Variants in NPAT observed in about 807,000 individuals in gnomAD.
The protein encoded by NPAT is protein NPAT.
NPAT carries 52 observed loss-of-function variants against 130.7 expected under a neutral mutation model. The observed-to-expected ratio is 0.40, with a 90% CI of 0.32 to 0.50. The LOEUF (loss-of-function observed/expected upper bound fraction) is 0.50. Ranked by LOEUF, NPAT falls within the 20% of genes least tolerant of loss-of-function variation. The pLI is 0.68. For synonymous variants in NPAT, 580 were observed against 584.8 expected (o/e 0.99, Z 0.12); for missense variants, 1,687 against 1,662.6 (o/e 1.01, Z -0.26).
In NPAT at chr11:108,189,143, T is replaced by G; in HGVS notation, c.519A>C (p.Val173=). ...QISDPSRSYF[V]VVNHSQSQDT... is the part of the protein sequence containing the mutation. The stretch of plus-strand genomic sequence containing the variant: ...CTTGTGACTGTGAGTGGTTGACCAC[T>G]ACAAAATATGACCTCGATGGATCTG... The change falls in exon 6 of 18, where the codon GTA becomes GTC. Residue 173 remains valine, a synonymous_variant. Coordinates refer to ENST00000278612, the MANE Select transcript of NPAT (RefSeq NM_002519.3). 1 of 1,614,194 alleles carries G rather than the reference T, an allele frequency of 6.2e-7. No individual in the cohort carries two copies. The highest frequency in any genetic ancestry group is 8.5e-7 in the Non-Finnish European group (1 of 1,180,030).
At chr11:108,205,479 A>G (rs114276621) in intron 1 of NPAT, among the ~76,000 whole-genome samples, 1 of 152,042 alleles carries the variant, frequency 6.6e-6, no homozygotes, top group Admixed American at 6.6e-5. Context: ...TGTTGCCTAG[A>G]TAGGTCTTGA....
chr11:108,161,729 T>C lies in NPAT; in HGVS notation c.3357A>G (p.Lys1119=). 2 of 1,613,826 alleles carry C rather than the reference T, an allele frequency of 1.2e-6. No individual in the cohort carries two copies. Among genetic ancestry groups the C allele is most frequent in the Non-Finnish European group, 1.7e-6 (2 of 1,180,046 alleles). The change falls in exon 17 of 18, where the codon AAA becomes AAG. Residue 1119 remains lysine, a synonymous_variant. Transcript: ENST00000278612. ...AAATCTTAGGCAGAGGAGGCTTCTC[T>C]TTCTCTCTTTTGATAGCATTATTAG... ...PPSNNAIKRE[K]EKPPLPKILS...
rs375185249 is a variant in NPAT at position 108,177,109 on chromosome 11, G to T, written c.907-19C>A. On this transcript the variant is annotated intron_variant, in intron 10 of 17. Transcript: ENST00000278612. ...TTTCACTCTGCAAGAAAGGAGTGGC[G>T]TGAAGGCATGATTCTAACTGAATTT... 3 of 1,337,660 alleles carry T rather than the reference G, an allele frequency of 2.2e-6. No homozygotes were observed. Among genetic ancestry groups the T allele is most frequent in the Non-Finnish European group, 3.2e-6 (3 of 929,692 alleles). The allele number at this position is 1,337,660 out of a possible 1,614,324, so 82.9% of individuals were successfully genotyped here.
intron 2 of NPAT, among the ~76,000 whole-genome samples, chr11:108,195,004 A>G (rs2078206685): frequency 6.6e-6 from 1 of 151,928 alleles, no homozygotes; most frequent in South Asian, 2.1e-4. Flanking sequence ...TTGTATTTTT[A>G]GTAGAGATGG....
At chr11:108,166,332 C>A (rs1387817020) in intron 15 of NPAT, among the ~76,000 whole-genome samples, 3 of 152,080 alleles carry the variant, frequency 2.0e-5, no homozygotes, top group African/African-American at 7.2e-5. Context: ...GCGAAGGTAG[C>A]AGTGAGCTGA....
intron 1 of NPAT, among the ~76,000 whole-genome samples, chr11:108,213,666 A>C (rs2078405501): frequency 1.3e-5 from 2 of 152,202 alleles, no homozygotes; most frequent in Admixed American, 1.3e-4. Flanking sequence ...TAAAACTCCT[A>C]AGGTAATACA....
chr11:108,183,973 C>CA (rs61030752), intron 10 of NPAT, among the ~76,000 whole-genome samples: 142,281 of 147,648 alleles, frequency 0.96, 68,585 homozygotes, highest in Middle Eastern at 0.99. Context: ...GACCCTGTCT[C>CA]AAAAAAAAAA....
chr11:108,195,552 T>C (rs1397140161), intron 2 of NPAT, among the ~76,000 whole-genome samples: 1 of 152,232 alleles, frequency 6.6e-6, no homozygotes, highest in East Asian at 1.9e-4. Context: ...TGGTTTTTGT[T>C]GTTAAGTTTT....
chr11:108,215,059 C>T (rs897117426), intron 1 of NPAT, among the ~76,000 whole-genome samples: 1 of 152,192 alleles, frequency 6.6e-6, no homozygotes, highest in African/African-American at 2.4e-5. Context: ...CACAGATACA[C>T]ATTGATTATA....
At chr11:108,183,567 C>T (rs927728932) in intron 10 of NPAT, among the ~76,000 whole-genome samples, 1 of 152,032 alleles carries the variant, frequency 6.6e-6, no homozygotes, top group Admixed American at 6.6e-5. Context: ...TTTGGGAGGC[C>T]GAGTTAGGCA....
rs559864050 is a variant in NPAT, at chr11:108,158,169, A to G, written c.*773T>C. The G allele has an allele frequency of 2.0e-5, 3 of 152,638 alleles. No homozygotes were observed. Among genetic ancestry groups the G allele is most frequent in the South Asian group, 2.1e-4 (1 of 4,828 alleles). The allele number at this position is 152,638 out of a possible 1,614,324, so 9.5% of individuals were successfully genotyped here. On this transcript the variant is annotated 3_prime_UTR_variant, in exon 18 of 18. Coordinates refer to ENST00000278612, the MANE Select transcript of NPAT (RefSeq NM_002519.3). ...GCATTTAGGGGAAAAGTACATACCG[A>G]GAAATCTCTACTACAAACCAAAATT...
Position 108,162,023 on chromosome 11 carries a change from A to G in NPAT, c.3072-9T>C. ...TGTCAGAAACTTCAGTTCTAAAACA[A>G]AACAAAACAAAACTATTTCTAGCAG... On this transcript the variant is annotated splice_polypyrimidine_tract_variant and intron_variant, in intron 16 of 17. Coordinates refer to ENST00000278612, the MANE Select transcript of NPAT (RefSeq NM_002519.3). 6.2e-7 allele frequency: 1 copy of G among 1,611,094 alleles called. No homozygotes were observed. The highest frequency in any genetic ancestry group is 8.5e-7 in the Non-Finnish European group (1 of 1,179,086).
At chr11:108,212,565 A>T (rs967041610) in intron 1 of NPAT, among the ~76,000 whole-genome samples, 2 of 151,312 alleles carry the variant, frequency 1.3e-5, no homozygotes, top group African/African-American at 4.9e-5. Flanking sequence ...GAAAGGAAAA[A>T]ATCAAGATTA....
At chr11:108,160,797 G>A (rs2077839063) in intron 17 of NPAT, 83 bp downstream of exon 17, 1 of 1,246,518 alleles carries the variant, frequency 8.0e-7, no homozygotes, top group African/African-American at 1.5e-5. Context: ...CAGTCAAGTT[G>A]TTGTGGCAAG....
chr11:108,161,135 G>A lies in NPAT; in HGVS notation c.3951C>T (p.Ser1317=), dbSNP rs2077843371. Residue 1317 remains serine (S), a synonymous_variant, in exon 17 of 18, where the codon AGC becomes AGT. Coordinates refer to ENST00000278612, the MANE Select transcript of NPAT (RefSeq NM_002519.3). ...PPVTPDLPAC[S]PASETGSENS... is the part of the protein sequence containing the mutation. Reference sequence around the variant, plus strand: ...TTTCACTTCCTGTTTCACTGGCAGGGCTGCAGGCAGGCAAGTCTGGGGTGA... The same window carrying A: ...TTTCACTTCCTGTTTCACTGGCAGGACTGCAGGCAGGCAAGTCTGGGGTGA... The A allele has an allele frequency of 6.2e-7, 1 of 1,614,092 alleles. No individual in the cohort carries two copies. Among genetic ancestry groups the A allele is most frequent in the African/African-American group, 1.3e-5 (1 of 74,926 alleles).
In NPAT at chr11:108,161,462, G is replaced by C; in HGVS notation, c.3624C>G (p.Thr1208=). ...EKSIASLQEM[T]KKQGTSSNNK... Reference sequence around the variant, plus strand: ...TGTTTGAAGATGTGCCTTGTTTTTTGGTCATTTCTTGCAGTGAAGCTATAG... The same window carrying C: ...TGTTTGAAGATGTGCCTTGTTTTTTCGTCATTTCTTGCAGTGAAGCTATAG... The change falls in exon 17 of 18, where the codon ACC becomes ACG. Residue 1208 remains threonine, a synonymous_variant. Transcript: ENST00000278612. The C allele has an allele frequency of 6.2e-7, 1 of 1,613,996 alleles. No individual in the cohort carries two copies. The highest frequency in any genetic ancestry group is 8.5e-7 in the Non-Finnish European group (1 of 1,179,978).
At chr11:108,160,600 G>A (rs2134816751) in intron 17 of NPAT, among the ~76,000 whole-genome samples, 1 of 152,162 alleles carries the variant, frequency 6.6e-6, no homozygotes, top group Non-Finnish European at 1.5e-5. Flanking sequence ...ATAAACAAAT[G>A]CCTCAGCAGT....
intron 5 of NPAT, 70 bp from the exon 6 acceptor site, chr11:108,189,400 T>TAATAG: frequency 8.0e-7 from 1 of 1,254,076 alleles, no homozygotes; most frequent in Non-Finnish European, 1.2e-6. Flanking sequence ...GAAGTCAATA[T>TAATAG]GATGCAACCT....
At chr11:108,217,665 ATC>A (rs2078446280) in intron 1 of NPAT, among the ~76,000 whole-genome samples, 1 of 152,154 alleles carries the variant, frequency 6.6e-6, no homozygotes, top group African/African-American at 2.4e-5. Flanking sequence ...TTAATTCTAA[ATC>A]TCTGGTGTTA....
Sources: gnomAD v4.1 joint callset for allele counts (sites outside exome capture counted in the v4.1 genomes callset) on GRCh38, gnomAD v4.1.1 for gene constraint, MANE v1.5 for transcripts, NCBI Gene and HGNC (gene_info 2026-07-23, HGNC 2026-07-21) for gene names.